Variants in FAM110B observed in about 807,000 individuals in gnomAD.
FAM110B encodes the protein protein FAM110B.
FAM110B carries 6 observed loss-of-function variants against 20.4 expected under a neutral mutation model. The ratio of observed to expected loss-of-function variants is 0.29; its 90% CI spans 0.16 to 0.58. The LOEUF (loss-of-function observed/expected upper bound fraction) is 0.58. Ranked by LOEUF, FAM110B falls within the 20% of genes least tolerant of loss-of-function variation. The pLI, the probability that FAM110B is intolerant of heterozygous loss-of-function variation, is 0.90. For missense variants in FAM110B, 434 were observed against 498.2 expected (o/e 0.87, Z 1.23); for synonymous variants, 226 against 214.1 (o/e 1.06, Z -0.49).
At position 58,146,544 on chromosome 8, in the gene FAM110B, C is replaced by A; in HGVS notation, c.314C>A (p.Ala105Asp). The change falls in exon 4 of 4, where the codon GCC becomes GAC. Residue 105 changes from alanine (A) to aspartate (D), a missense_variant. Physicochemically the swap from Ala to Asp is moderately radical, Grantham distance 126. Coordinates refer to ENST00000519262, the MANE Select transcript of FAM110B (RefSeq NM_001377989.1). ...SPTLKVFGNH[A>D]KTESGVQREN... ...ACGCTCAAAGTGTTCGGCAACCACG[C>A]CAAGACCGAGAGCGGCGTGCAGAGG... The A allele has an allele frequency of 1.2e-6, 2 of 1,614,004 alleles. No individual in the cohort carries two copies. Among genetic ancestry groups the A allele is most frequent in the Non-Finnish European group, 1.7e-6 (2 of 1,179,946 alleles).
At chr8:58,128,089 T>A (rs1315205788) in intron 3 of FAM110B, among the ~76,000 whole-genome samples, 1 of 152,218 alleles carries the variant, frequency 6.6e-6, no homozygotes, top group Non-Finnish European at 1.5e-5. Context: ...AGTTCACACC[T>A]TCTGTATGAC....
At chr8:58,088,354 C>T (rs1391035273) in intron 3 of FAM110B, among the ~76,000 whole-genome samples, 1 of 152,148 alleles carries the variant, frequency 6.6e-6, no homozygotes, top group Non-Finnish European at 1.5e-5. Flanking sequence ...ATTCCCAGTT[C>T]CAAATGACGC....
intron 2 of FAM110B, chr8:58,070,444 G>T (rs1215888097): frequency 6.6e-6 from 1 of 152,192 alleles, no homozygotes; most frequent in Non-Finnish European, 1.5e-5. Context: ...AATGAAGTAT[G>T]TTCATCGTGT....
intron 1 of FAM110B, among the ~76,000 whole-genome samples, chr8:58,009,756 CAT>C (rs1340894482): frequency 6.6e-6 from 1 of 152,170 alleles, no homozygotes; most frequent in Non-Finnish European, 1.5e-5. Flanking sequence ...CATTCTAAAA[CAT>C]AGTGCGAAGC....
chr8:58,041,169 GACCTCAGATGATCCCCC>G (rs1347155063), intron 2 of FAM110B, among the ~76,000 whole-genome samples: 11 of 152,026 alleles, frequency 7.2e-5, no homozygotes, highest in Non-Finnish European at 1.6e-4. Flanking sequence ...TTGAACTCCT[GACCTCAGATGATCCCCC>G]ACCTCAGCCT....
chr8:58,135,753 G>T (rs921392587), intron 3 of FAM110B, among the ~76,000 whole-genome samples: 2 of 152,088 alleles, frequency 1.3e-5, no homozygotes, highest in Non-Finnish European at 2.9e-5. Flanking sequence ...CTGGGTTCTG[G>T]TCTGGGCTCT....
Position 58,064,085 on chromosome 8 carries a change from C to T in FAM110B, c.-413-11450C>T, listed in dbSNP as rs372789760. ...GAAGGTGCCACACATTTTTAAACAA[C>T]CAGATCTTGTGAGAACTCACTCACT... On this transcript the variant is annotated intron_variant, in intron 2 of 3. Transcript: ENST00000519262. Among the ~76,000 whole-genome samples, 167 of 152,208 alleles carry T rather than the reference C, an allele frequency of 1.1e-3. 1 individual carries two copies. Among genetic ancestry groups the T allele is most frequent in the Middle Eastern group, 6.8e-3 (2 of 294 alleles).
chr8:58,029,734 A>ATGAG (rs1404382203), intron 1 of FAM110B, among the ~76,000 whole-genome samples: 1 of 152,202 alleles, frequency 6.6e-6, no homozygotes, highest in African/African-American at 2.4e-5. Context: ...CATCTGTGAA[A>ATGAG]TGAGTCAACT....
At chr8:58,044,135 A>T (rs1805275181) in intron 2 of FAM110B, among the ~76,000 whole-genome samples, 2 of 152,208 alleles carry the variant, frequency 1.3e-5, no homozygotes, top group African/African-American at 4.8e-5. Context: ...CTACTTGTGA[A>T]TTACTTTCTA....
intron 1 of FAM110B, among the ~76,000 whole-genome samples, chr8:58,006,849 A>G (rs1288190630): frequency 6.9e-6 from 1 of 144,966 alleles, no homozygotes; most frequent in Non-Finnish European, 1.5e-5. Context: ...CAGCCTCCCA[A>G]AGTGCTGGGA....
chr8:58,079,922 C>T (rs73682130), intron 3 of FAM110B, among the ~76,000 whole-genome samples: 4,217 of 152,240 alleles, frequency 0.028, 86 homozygotes, highest in South Asian at 0.083. Flanking sequence ...TGTTTTCTTA[C>T]AAAGATCAGC....
chr8:58,018,424 T>C (rs928507633), intron 1 of FAM110B, among the ~76,000 whole-genome samples: 1 of 152,218 alleles, frequency 6.6e-6, no homozygotes, highest in Non-Finnish European at 1.5e-5. Context: ...AGCTTTCTCA[T>C]GATTATAGAG....
At chr8:58,087,151 A>G (rs1027422566) in intron 3 of FAM110B, among the ~76,000 whole-genome samples, 2 of 152,142 alleles carry the variant, frequency 1.3e-5, no homozygotes, top group Non-Finnish European at 2.9e-5. Context: ...AGCACATTAG[A>G]TTTTCTGAAG....
chr8:58,114,598 C>T (rs1055995954), intron 3 of FAM110B, among the ~76,000 whole-genome samples: 5 of 152,130 alleles, frequency 3.3e-5, no homozygotes, highest in African/African-American at 1.2e-4. Flanking sequence ...TCTTAATTAC[C>T]TGAACAAGTT....
At chr8:58,024,133 G>A (rs745393307) in intron 1 of FAM110B, among the ~76,000 whole-genome samples, 10 of 149,430 alleles carry the variant, frequency 6.7e-5, no homozygotes, top group Non-Finnish European at 1.3e-4. Context: ...CAAAAGTGAT[G>A]GGCTACATTT....
chr8:58,125,299 G>C (rs1313001027), intron 3 of FAM110B, among the ~76,000 whole-genome samples: 4 of 152,116 alleles, frequency 2.6e-5, no homozygotes, highest in Non-Finnish European at 5.9e-5. Context: ...AGTGAGCCAT[G>C]GTCCCGCCAG....
At chr8:58,115,176 A>G (rs1253403505) in intron 3 of FAM110B, among the ~76,000 whole-genome samples, 3 of 151,706 alleles carry the variant, frequency 2.0e-5, no homozygotes, top group Admixed American at 1.3e-4. Flanking sequence ...CTTAAAGACT[A>G]CTTTCCTGGC....
chr8:58,049,027 G>A (rs1276375716), intron 2 of FAM110B, among the ~76,000 whole-genome samples: 1 of 152,118 alleles, frequency 6.6e-6, no homozygotes, highest in Non-Finnish European at 1.5e-5. Flanking sequence ...TAGATATTGT[G>A]TGTGTGTTTT....
chr8:58,072,506 AC>A (rs138974059), intron 2 of FAM110B, among the ~76,000 whole-genome samples: 2,500 of 152,364 alleles, frequency 0.016, 31 homozygotes, highest in Non-Finnish European at 0.026. Context: ...TTGCAAAGTA[AC>A]CAAAATATGT....
Sources: gnomAD v4.1 joint callset for allele counts (sites outside exome capture counted in the v4.1 genomes callset) on GRCh38, gnomAD v4.1.1 for gene constraint, MANE v1.5 for transcripts, NCBI Gene and HGNC (gene_info 2026-07-23, HGNC 2026-07-21) for gene names.